Variants in ZAN observed in about 807,000 individuals in gnomAD.
ZAN encodes the protein zonadhesin.
In ZAN, 260 loss-of-function variants were observed where a neutral mutation model predicts 286.2. That is an observed-to-expected ratio of 0.91 (90% CI 0.82 to 1.01). The LOEUF is 1.01. Ranked by LOEUF, ZAN falls within the 50% of genes least tolerant of loss-of-function variation. The pLI, the probability that ZAN is intolerant of heterozygous loss-of-function variation, is 0.00. For missense variants in ZAN, 3,410 were observed against 3,639.2 expected (o/e 0.94, Z 1.62); for synonymous variants, 1,368 against 1,417.5 (o/e 0.97, Z 0.79).
At chr7:100,779,963 G>A (rs1197401140) in intron 35 of ZAN, among the ~76,000 whole-genome samples, 1 of 152,214 alleles carries the variant, frequency 6.6e-6, no homozygotes, top group Non-Finnish European at 1.5e-5. Context: ...GGGAGGCCAA[G>A]GTGGGTGGAT....
Position 100,737,076 on chromosome 7 carries a change from C to T in ZAN, c.521C>T (p.Thr174Ile). 2 of 1,493,082 alleles carry T rather than the reference C, an allele frequency of 1.3e-6. No homozygotes were observed. Among genetic ancestry groups the T allele is most frequent in the Non-Finnish European group, 1.8e-6 (2 of 1,092,782 alleles). The allele number at this position is 1,493,082 out of a possible 1,614,324, so 92.5% of individuals were successfully genotyped here. The change falls in exon 5 of 48, where the codon ACC becomes ATC. Residue 174 changes from threonine (T) to isoleucine (I), a missense_variant. Coordinates refer to ENST00000613979, the MANE Select transcript of ZAN (RefSeq NM_003386.3). ...GTGCCCGCAGGGTTCACCCTGCCCA[C>T]CCGGGTAAGGCCGGGGACAAATTGT... is the stretch of plus-strand genomic sequence containing the variant. Reference protein sequence around the residue: ...VTVPAGFTLPTRLMFEGTRGS... With the variant: ...VTVPAGFTLPIRLMFEGTRGS...
Position 100,792,093 on chromosome 7 carries a change from C to G in ZAN, c.7657C>G (p.Pro2553Ala). 6.2e-7 allele frequency: 1 copy of G among 1,612,908 alleles called. No individual in the cohort carries two copies. The highest frequency in any genetic ancestry group is 8.5e-7 in the Non-Finnish European group (1 of 1,179,702). Residue 2553 changes from proline to alanine, a missense_variant, in exon 41 of 48, where the codon CCC becomes GCC. Pro to Ala is a conservative substitution (Grantham distance 27). Transcript: ENST00000613979. ...STQACRVLAD[P>A]QGPFAACHQT... is the part of the protein sequence containing the mutation. The stretch of plus-strand genomic sequence containing the variant: ...CCAGGCCTGTAGGGTGCTGGCAGAC[C>G]CCCAGGGCCCCTTTGCTGCCTGTCA...
intron 45 of ZAN, 148 bp from the exon 46 acceptor site, chr7:100,797,218 A>C: frequency 1.4e-6 from 1 of 717,904 alleles, no homozygotes; most frequent in Non-Finnish European, 2.3e-6. Flanking sequence ...GGAGGTGAGA[A>C]CCTCCTGGAG....
Position 100,768,665 on chromosome 7 carries a change from A to G in ZAN, c.5097A>G (p.Ala1699=), listed in dbSNP as rs1265366315. 7 of 1,610,180 alleles carry G rather than the reference A, an allele frequency of 4.3e-6. No individual in the cohort carries two copies. The highest frequency in any genetic ancestry group is 2.7e-5 in the African/African-American group (2 of 74,818). Residue 1699 remains alanine, a synonymous_variant, in exon 27 of 48, where the codon GCA becomes GCG. Transcript: ENST00000613979. ...DDNLRPDRKL[A]GDSMQLGAAW... is the part of the protein sequence containing the mutation. ...ACCTGCGCCCCGACAGAAAGCTTGC[A>G]GGCGATTCCATGCAGCTGGGGGCCG...
intron 35 of ZAN, 147 bp downstream of exon 35, chr7:100,779,897 T>C (rs1397967127): frequency 1.0e-6 from 1 of 992,214 alleles, no homozygotes; most frequent in African/African-American, 1.6e-5. Context: ...TTTTAATTTT[T>C]ATATAAAATT....
At chr7:100,756,899 C>G (rs11770083) in intron 15 of ZAN, among the ~76,000 whole-genome samples, 48,928 of 151,802 alleles carry the variant, frequency 0.32, 7,953 homozygotes, top group South Asian at 0.46. Context: ...CTCCGGAGTA[C>G]CTGGGATTAC....
At position 100,768,666 on chromosome 7, in the gene ZAN, G is replaced by A. The variant is rs755208906; in HGVS notation, c.5098G>A (p.Gly1700Ser). 14 of 1,610,454 alleles carry A rather than the reference G, an allele frequency of 8.7e-6. No individual in the cohort carries two copies. The highest frequency in any genetic ancestry group is 1.2e-5 in the Non-Finnish European group (14 of 1,178,404). ...DNLRPDRKLA[G>S]DSMQLGAAWK... is the part of the protein sequence containing the mutation. ...CCTGCGCCCCGACAGAAAGCTTGCAGGCGATTCCATGCAGCTGGGGGCCGC... is the reference window on the plus strand; with the variant it reads ...CCTGCGCCCCGACAGAAAGCTTGCAAGCGATTCCATGCAGCTGGGGGCCGC... Residue 1700 changes from glycine (G) to serine (S), a missense_variant, in exon 27 of 48, where the codon GGC (glycine) becomes AGC (serine). Gly to Ser is a moderately conservative substitution (Grantham distance 56). Around this residue, in one of 7 missense-constraint regions of ZAN, gnomAD observed 1,042 missense variants for 1,058.0 expected, o/e 0.98. Coordinates refer to ENST00000613979, the MANE Select transcript of ZAN (RefSeq NM_003386.3).
chr7:100,779,128 G>A (rs1408881998), intron 34 of ZAN, among the ~76,000 whole-genome samples: 8 of 151,796 alleles, frequency 5.3e-5, no homozygotes, highest in Non-Finnish European at 1.0e-4. Context: ...GCTTGAACCC[G>A]GGAGGCGGAG....
Position 100,795,200 on chromosome 7 carries a change from C to G in ZAN, c.8130C>G (p.Ser2710Arg), listed in dbSNP as rs755076497. The G allele has an allele frequency of 1.0e-5, 16 of 1,607,488 alleles. No homozygotes were observed. In the South Asian group the frequency reaches 1.7e-4, roughly 17 times the overall value. ...GNHTQGCFPE[S>R]PCLQNPCQND... ...CAACCCTCTCTGTCCTTGCAGAAAG[C>G]CCGTGTCTGCAGAACCCCTGTCAGA... The change falls in exon 45 of 48, where the codon AGC becomes AGG. Residue 2710 changes from serine (S) to arginine (R), a missense_variant. By Grantham distance (110) the Ser-to-Arg change is moderately radical. This residue lies in a region of ZAN where 1,289 missense variants were observed against 1,314.3 expected (regional missense o/e 0.98). Transcript: ENST00000613979.
rs74981736 is a variant in ZAN, at chr7:100,748,749, C to T, written c.1249+279C>T. On this transcript the variant is annotated intron_variant, in intron 11 of 47. Transcript: ENST00000613979. ...CCCACCACCTCATTTTCAGTCTAGA[C>T]GTTTATGAGTGGCTCATGCCTGCAA... is the stretch of plus-strand genomic sequence containing the variant. Among the ~76,000 whole-genome samples the T allele has an allele frequency of 2.2e-3, 342 of 152,192 alleles. 2 individuals carry two copies. Among genetic ancestry groups the T allele is most frequent in the African/African-American group, 7.8e-3 (323 of 41,538 alleles).
chr7:100,773,788 TCACCTGCTTCCAGAG>T lies in ZAN; in HGVS notation c.5710_5724del (p.Phe1904_Cys1908del), dbSNP rs770197096. 1 of 1,612,550 alleles carries T rather than the reference TCACCTGCTTCCAGAG, an allele frequency of 6.2e-7. No homozygotes were observed. The highest frequency in any genetic ancestry group is 8.5e-7 in the Non-Finnish European group (1 of 1,179,326). The stretch of plus-strand genomic sequence containing the variant: ...TGCACCTGCTCCGTCCACAACAACA[TCACCTGCTTCCAGAG>T]CACCTGCAAACCCAACCAGATATGC... On this transcript the variant is annotated inframe_deletion, in exon 31 of 48. Transcript: ENST00000613979.
chr7:100,748,504 T>A, intron 11 of ZAN, 34 bp downstream of exon 11: 1 of 1,582,920 alleles, frequency 6.3e-7, no homozygotes, highest in Non-Finnish European at 8.6e-7. Context: ...CGCCAAGAAA[T>A]CACTCAGTCT....
chr7:100,766,994 A>G lies in ZAN; in HGVS notation c.4613-16A>G, dbSNP rs1562938458. On this transcript the variant is annotated splice_polypyrimidine_tract_variant and intron_variant, in intron 24 of 47. Coordinates refer to ENST00000613979, the MANE Select transcript of ZAN (RefSeq NM_003386.3). ...ATGGAGGAGTGAGACTGTGAACTCC[A>G]TCTTCTTCTCCACAGGTGCCGCCAC... is the stretch of plus-strand genomic sequence containing the variant. 2 of 1,612,800 alleles carry G rather than the reference A, an allele frequency of 1.2e-6. No homozygotes were observed. The highest frequency in any genetic ancestry group is 1.7e-5 in the Admixed American group (1 of 59,972).
intron 33 of ZAN, 130 bp from the exon 34 acceptor site, chr7:100,776,310 C>A: frequency 1.6e-6 from 2 of 1,240,052 alleles, no homozygotes; most frequent in East Asian, 3.4e-5. Flanking sequence ...AAGAGTGAAA[C>A]TTGAAGGAAG....
intron 38 of ZAN, among the ~76,000 whole-genome samples, chr7:100,788,363 CA>C (rs1811713903): frequency 6.6e-6 from 1 of 152,010 alleles, no homozygotes; most frequent in East Asian, 1.9e-4. Context: ...CCAGCCTGGG[CA>C]ACATAGCAAG....
Position 100,787,995 on chromosome 7 carries a change from C to G in ZAN, c.7086C>G (p.Asp2362Glu), listed in dbSNP as rs538315578. 12 of 1,564,312 alleles carry G rather than the reference C, an allele frequency of 7.7e-6. No homozygotes were observed. The highest frequency in any genetic ancestry group is 5.8e-5 in the South Asian group (5 of 85,692). ...CCTATGTTCTGATCAAGACTGTGGA[C>G]GTACTGCCTGAGGGGGTGGAGCCCC... is the stretch of plus-strand genomic sequence containing the variant. ...RMTYVLIKTV[D>E]VLPEGVEPLL... Residue 2362 changes from aspartate to glutamate, a missense_variant, in exon 38 of 48, where the codon GAC becomes GAG. This residue lies in a region of ZAN where 1,289 missense variants were observed against 1,314.3 expected (regional missense o/e 0.98). Coordinates refer to ENST00000613979, the MANE Select transcript of ZAN (RefSeq NM_003386.3).
intron 42 of ZAN, among the ~76,000 whole-genome samples, chr7:100,792,784 G>A (rs1031521564): frequency 1.3e-5 from 2 of 151,740 alleles, no homozygotes; most frequent in South Asian, 2.1e-4. Context: ...GTCCACCTTC[G>A]CTCAACCAGT....
intron 33 of ZAN, among the ~76,000 whole-genome samples, chr7:100,776,160 A>T (rs934801124): frequency 6.6e-6 from 1 of 152,016 alleles, no homozygotes; most frequent in Admixed American, 6.6e-5. Context: ...TTAAAAATAA[A>T]AAAAAAAATT....
At chr7:100,749,391 A>G (rs1398573719) in intron 11 of ZAN, among the ~76,000 whole-genome samples, 2 of 151,978 alleles carry the variant, frequency 1.3e-5, no homozygotes, top group Non-Finnish European at 2.9e-5. Context: ...CTGTAATCCC[A>G]GCACTTTGGG....
Sources: gnomAD v4.1 joint callset for allele counts (sites outside exome capture counted in the v4.1 genomes callset) on GRCh38, gnomAD v4.1.1 for gene constraint, gnomAD v4.1.1 regional missense constraint, MANE v1.5 for transcripts, NCBI Gene and HGNC (gene_info 2026-07-23, HGNC 2026-07-21) for gene names.